FAM83G: variants seen among roughly 807,000 people sequenced by gnomAD.
FAM83G encodes scaffolding CK1 anchoring protein G, also known as protein FAM83G.
A neutral mutation model predicts 61.5 loss-of-function variants in FAM83G; 38 were observed. The observed-to-expected ratio is 0.62, with a 90% CI of 0.48 to 0.81. The LOEUF is 0.81. FAM83G is among the 30% of genes least tolerant of loss of function. The probability of loss-of-function intolerance (pLI) is 0.00; values close to 1 mark genes in which losing one functional copy is unlikely to be tolerated. For missense variants in FAM83G, 989 were observed against 1,133.6 expected (o/e 0.87, Z 1.83); for synonymous variants, 470 against 476.1 (o/e 0.99, Z 0.17).
intron 5 of FAM83G, among the ~76,000 whole-genome samples, chr17:18,973,329 C>T (rs891970930): frequency 6.6e-6 from 1 of 152,218 alleles, no homozygotes; most frequent in Non-Finnish European, 1.5e-5. Flanking sequence ...GTTGGGCAGG[C>T]CCCACTGCAC....
chr17:18,990,422 A>C (rs1405021230), intron 2 of FAM83G, among the ~76,000 whole-genome samples: 3 of 152,184 alleles, frequency 2.0e-5, no homozygotes, highest in Non-Finnish European at 4.4e-5. Context: ...TAGTTAAGCC[A>C]CTTCTGAGCA....
intron 3 of FAM83G, among the ~76,000 whole-genome samples, chr17:18,983,024 C>G (rs2043177933): frequency 1.3e-5 from 2 of 152,242 alleles, no homozygotes; most frequent in Non-Finnish European, 2.9e-5. Context: ...GGAAGTGGCG[C>G]AGTGGGCTGT....
chr17:18,976,625 G>A lies in FAM83G; in HGVS notation c.2082+959C>T, dbSNP rs558050909. On this transcript the variant is annotated intron_variant, in intron 5 of 5. Transcript: ENST00000388995. Reference sequence around the variant, plus strand: ...CCCTATTGACAGGTCAGGGGACTGAGTCCCTGGGAATGAGTGTACCTCGGC... The same window carrying A: ...CCCTATTGACAGGTCAGGGGACTGAATCCCTGGGAATGAGTGTACCTCGGC... The A allele has an allele frequency of 6.0e-5, 34 of 562,328 alleles. 1 individual carries two copies. In the Middle Eastern group the frequency reaches 1.4e-3, roughly 23 times the overall value. 34.8% of individuals were successfully genotyped at this position (562,328 alleles called of 1,614,324 possible). A position where few individuals can be genotyped will look rare whatever the true frequency, so the allele number is the denominator to read the frequency against.
In FAM83G at chr17:18,993,989, C is replaced by G. The variant is rs567295779; in HGVS notation, c.523-5575G>C. 1.0e-3 allele frequency among the ~76,000 whole-genome samples: 158 copies of G among 152,328 alleles called. 2 individuals are homozygous for G. The highest frequency in any genetic ancestry group is 2.0e-3 in the Non-Finnish European group (139 of 68,038). ...TCCCACCAACCCAAGTCCCATCCCA[C>G]CAGACCCACAGCTCCCTCTGGGGTG... On this transcript the variant is annotated intron_variant, in intron 2 of 5. Transcript: ENST00000388995.
chr17:18,971,073 C>T lies in FAM83G; in HGVS notation c.*286G>A. The T allele has an allele frequency of 6.2e-7, 1 of 1,614,142 alleles. No individual in the cohort carries two copies. The highest frequency in any genetic ancestry group is 1.3e-5 in the African/African-American group (1 of 75,056). Reference sequence around the variant, plus strand: ...GCAGCCTACGCCCAGGCCATTCCCTCCAGGACCATTGCCAACACCACCTGC... The same window carrying T: ...GCAGCCTACGCCCAGGCCATTCCCTTCAGGACCATTGCCAACACCACCTGC... On this transcript the variant is annotated 3_prime_UTR_variant, in exon 6 of 6. Coordinates refer to ENST00000388995, the MANE Select transcript of FAM83G (RefSeq NM_001039999.3). The surrounding 1 kb of genome is among the most constrained non-coding windows in gnomAD (Gnocchi z 5.5).
intron 2 of FAM83G, among the ~76,000 whole-genome samples, chr17:18,992,079 G>A (rs1438030497): frequency 6.6e-6 from 1 of 152,130 alleles, no homozygotes; most frequent in Non-Finnish European, 1.5e-5. Flanking sequence ...CCTCTCCCTG[G>A]GGGCTCCTGG....
At chr17:18,980,736 A>G (rs906982509) in intron 3 of FAM83G, among the ~76,000 whole-genome samples, 1 of 152,118 alleles carries the variant, frequency 6.6e-6, no homozygotes, top group Non-Finnish European at 1.5e-5. Flanking sequence ...CCGAAGTAGA[A>G]TCACAGGTGT....
chr17:18,979,819 G>C (rs2043083551), intron 3 of FAM83G, 146 bp from the exon 4 acceptor site: 1 of 917,826 alleles, frequency 1.1e-6, no homozygotes, highest in Non-Finnish European at 1.7e-6. Context: ...GGAGAAAGGG[G>C]CTGGTGTGTC....
intron 5 of FAM83G, among the ~76,000 whole-genome samples, chr17:18,974,723 G>C (rs924462335): frequency 6.6e-6 from 1 of 152,238 alleles, no homozygotes; most frequent in African/African-American, 2.4e-5. Context: ...GGACAGGCTT[G>C]GCCGGCTACA....
At chr17:18,981,837 C>T (rs2043141917) in intron 3 of FAM83G, among the ~76,000 whole-genome samples, 1 of 152,164 alleles carries the variant, frequency 6.6e-6, no homozygotes, top group Non-Finnish European at 1.5e-5. Context: ...CGGCCCAGGA[C>T]AATTAGCGCT....
chr17:18,979,633 G>A lies in FAM83G; in HGVS notation c.731C>T (p.Thr244Met), dbSNP rs779272090. The change falls in exon 4 of 6, where the codon ACG becomes ATG. Residue 244 changes from threonine (T) to methionine (M), a missense_variant. By Grantham distance (81) the Thr-to-Met change is moderately conservative. This residue lies in a region of FAM83G where 371 missense variants were observed against 404.5 expected (regional missense o/e 0.92). Coordinates refer to ENST00000388995, the MANE Select transcript of FAM83G (RefSeq NM_001039999.3). ...ACCCTTGAACTTGGTTGCCGACCGC[G>A]TGAAGAACTCAGTTCCCCCGCTGCT... ...VRSSGGTEFF[T>M]RSATKFKGAL... 1.4e-5 allele frequency: 22 copies of A among 1,613,388 alleles called. No individual in the cohort carries two copies. Among genetic ancestry groups the A allele is most frequent in the Admixed American group, 1.3e-4 (8 of 59,998 alleles).
intron 2 of FAM83G, among the ~76,000 whole-genome samples, chr17:18,991,890 C>T (rs1003152923): frequency 6.6e-6 from 1 of 152,180 alleles, no homozygotes; most frequent in Non-Finnish European, 1.5e-5. Flanking sequence ...GCCCAATGCC[C>T]AAGACAACCA....
chr17:18,988,596 A>G (rs1246156314), intron 2 of FAM83G, among the ~76,000 whole-genome samples, 182 bp from the exon 3 acceptor site: 1 of 152,194 alleles, frequency 6.6e-6, no homozygotes, highest in Admixed American at 6.5e-5. Context: ...CTTGCCCTGA[A>G]GTTCTAGTTG....
chr17:18,971,224 T>A lies in FAM83G; in HGVS notation c.*135A>T. 1 of 1,613,624 alleles carries A rather than the reference T, an allele frequency of 6.2e-7. No homozygotes were observed. Among genetic ancestry groups the A allele is most frequent in the South Asian group, 1.1e-5 (1 of 91,080 alleles). ...GGTACTGGTGCACCGACCAGGTGAG[T>A]GCCAACGTCTCCCGCCCATCCCACC... On this transcript the variant is annotated 3_prime_UTR_variant, in exon 6 of 6. Transcript: ENST00000388995. This position sits in a 1 kb window ranked among gnomAD's most constrained non-coding sequence, Gnocchi z 5.5.
At position 18,977,890 on chromosome 17, in the gene FAM83G, G is replaced by A; in HGVS notation, c.1776C>T (p.Asp592=). Residue 592 remains aspartate (D), a synonymous_variant, in exon 5 of 6, where the codon GAC becomes GAT. Coordinates refer to ENST00000388995, the MANE Select transcript of FAM83G (RefSeq NM_001039999.3). ...EDDDDYVTLS[D]QDSHSGSSGR... ...CGGAGCTGCCTGAGTGGCTGTCCTG[G>A]TCACTGAGGGTTACGTAGTCGTCAT... 6.2e-7 allele frequency: 1 copy of A among 1,610,876 alleles called. No homozygotes were observed. Among genetic ancestry groups the A allele is most frequent in the Non-Finnish European group, 8.5e-7 (1 of 1,179,822 alleles).
At chr17:18,982,095 C>T (rs2043152579) in intron 3 of FAM83G, among the ~76,000 whole-genome samples, 1 of 152,254 alleles carries the variant, frequency 6.6e-6, no homozygotes, top group Admixed American at 6.5e-5. Flanking sequence ...CGGAAAGTCA[C>T]CACTTCCATC....
intron 4 of FAM83G, chr17:18,979,232 G>T (rs2043067514): frequency 4.2e-6 from 2 of 471,440 alleles, no homozygotes; most frequent in Admixed American, 3.6e-5. Flanking sequence ...GCCCCATGTG[G>T]TGGTGCCCAC....
rs1309207948 is a variant in FAM83G, at chr17:18,971,761, G to C, written c.2083-13C>G. 3 of 1,547,922 alleles carry C rather than the reference G, an allele frequency of 1.9e-6. No homozygotes were observed. The highest frequency in any genetic ancestry group is 2.3e-5 in the East Asian group (1 of 44,222). ...GAAACTGCTGGCCCTGGGAGAGAGAGAGCAGAGAGTGAGGCTGAGCAAGAA... is the reference window on the plus strand; with the variant it reads ...GAAACTGCTGGCCCTGGGAGAGAGACAGCAGAGAGTGAGGCTGAGCAAGAA... On this transcript the variant is annotated splice_polypyrimidine_tract_variant and intron_variant, in intron 5 of 5. Coordinates refer to ENST00000388995, the MANE Select transcript of FAM83G (RefSeq NM_001039999.3). This position sits in a 1 kb window ranked among gnomAD's most constrained non-coding sequence, Gnocchi z 5.5.
At chr17:18,982,345 C>T (rs1009013150) in intron 3 of FAM83G, among the ~76,000 whole-genome samples, 1 of 152,206 alleles carries the variant, frequency 6.6e-6, no homozygotes, top group African/African-American at 2.4e-5. Context: ...TGGGCCCCAC[C>T]CCACGGGGCC....
Sources: allele counts gnomAD v4.1 joint callset (sites outside exome capture counted in the v4.1 genomes callset), GRCh38; gene constraint gnomAD v4.1.1; regional missense constraint gnomAD v4.1.1; non-coding constraint Gnocchi (gnomAD v3.1); transcripts MANE v1.5; gene names NCBI Gene and HGNC (gene_info 2026-07-23, HGNC 2026-07-21).